The following CCDC97 variants were observed in gnomAD, a reference collection of about 807,000 sequenced individuals.
CCDC97 encodes coiled-coil domain containing 97.
A neutral mutation model predicts 33.9 loss-of-function variants in CCDC97; 27 were observed. That is an observed-to-expected ratio of 0.80 (90% CI 0.59 to 1.10). The LOEUF (loss-of-function observed/expected upper bound fraction) is 1.10. CCDC97 is among the 50% of genes least tolerant of loss of function. CCDC97 has a pLI of 0.00. For synonymous variants in CCDC97, 217 were observed against 194.0 expected, an observed-to-expected ratio of 1.12 and a Z score of -0.99; for missense variants, 422 against 476.6, an observed-to-expected ratio of 0.89 and a Z score of 1.07.
intron 1 of CCDC97, chr19:41,310,578 T>C: frequency 2.0e-6 from 2 of 985,328 alleles, no homozygotes; most frequent in South Asian, 9.4e-5. Flanking sequence ...TCTTCCCAGT[T>C]CCAGACCAAT....
At chr19:41,315,296 C>CAAAAAAAAA (rs71177714) in intron 1 of CCDC97, among the ~76,000 whole-genome samples, 1 of 41,728 alleles carries the variant, frequency 2.4e-5, no homozygotes, top group Non-Finnish European at 4.4e-5. Context: ...GACTCCGTCT[C>CAAAAAAAAA]AAAAAAAAAA....
At chr19:41,313,214 A>G (rs2037707214) in intron 1 of CCDC97, among the ~76,000 whole-genome samples, 2 of 147,962 alleles carry the variant, frequency 1.4e-5, no homozygotes, top group Non-Finnish European at 3.0e-5. Flanking sequence ...TCCCTCTCCC[A>G]CTCCCCTGTG....
Position 41,319,705 on chromosome 19 carries a change from T to G in CCDC97, c.634T>G (p.Ser212Ala). Residue 212 changes from serine to alanine, a missense_variant, in exon 3 of 5, where the codon TCC becomes GCC. Coordinates refer to ENST00000269967, the MANE Select transcript of CCDC97 (RefSeq NM_052848.3). ...AACCCACCAGCCCCCCAAGCCCGGG[T>G]CCCCCGGGAGACCTGCTTGCCCGCT... is the stretch of plus-strand genomic sequence containing the variant. ...TPTHQPPKPG[S>A]PGRPACPLSN... The G allele has an allele frequency of 6.2e-7, 1 of 1,613,092 alleles. No homozygotes were observed. Among genetic ancestry groups the G allele is most frequent in the Non-Finnish European group, 8.5e-7 (1 of 1,179,628 alleles).
chr19:41,316,835 C>T lies in CCDC97; in HGVS notation c.498C>T (p.Ile166=). The T allele has an allele frequency of 6.3e-7, 1 of 1,581,614 alleles. No homozygotes were observed. Residue 166 remains isoleucine, a synonymous_variant, in exon 2 of 5, where the codon ATC becomes ATT. Coordinates refer to ENST00000269967, the MANE Select transcript of CCDC97 (RefSeq NM_052848.3). ...GCTATGCTGCCCTGCGAGAGCTGAT[C>T]CAAGGTGTGGGGGCCAGATGGGCGA... ...NRRYAALREL[I]QGGEYFSDEQ...
Position 41,322,849 on chromosome 19 carries a change from C to T in CCDC97, c.*134C>T. Reference sequence around the variant, plus strand: ...ACAACCCACACACACCACCATCTCACTGGGTCTAGTCTCATCTCAGACAAC... The same window carrying T: ...ACAACCCACACACACCACCATCTCATTGGGTCTAGTCTCATCTCAGACAAC... On this transcript the variant is annotated 3_prime_UTR_variant, in exon 5 of 5. Coordinates refer to ENST00000269967, the MANE Select transcript of CCDC97 (RefSeq NM_052848.3). 9.6e-7 allele frequency: 1 copy of T among 1,036,510 alleles called. No homozygotes were observed. The highest frequency in any genetic ancestry group is 1.4e-6 in the Non-Finnish European group (1 of 722,558). 64.2% of individuals were successfully genotyped at this position (1,036,510 alleles called of 1,614,324 possible).
chr19:41,310,959 C>G (rs756869080), intron 1 of CCDC97: 4 of 735,366 alleles, frequency 5.4e-6, no homozygotes, highest in Non-Finnish European at 6.6e-6. Context: ...GGCTCCAACA[C>G]CACTGGCCAA....
chr19:41,317,681 A>G (rs2037765008), intron 2 of CCDC97, among the ~76,000 whole-genome samples: 1 of 150,332 alleles, frequency 6.7e-6, no homozygotes. Flanking sequence ...ACTAAGCTCT[A>G]GCCTGGGCGA....
intron 2 of CCDC97, among the ~76,000 whole-genome samples, chr19:41,317,390 C>T (rs760299198): frequency 5.9e-5 from 9 of 152,006 alleles, no homozygotes; most frequent in Non-Finnish European, 8.8e-5. Context: ...GTTAAGTTGC[C>T]GTTAGGGAGA....
rs1327138947 is a variant in CCDC97, at chr19:41,316,811, C to A, written c.474C>A (p.Arg158=). The A allele has an allele frequency of 6.3e-7, 1 of 1,592,866 alleles. No individual in the cohort carries two copies. Residue 158 remains arginine, a synonymous_variant, in exon 2 of 5, where the codon CGC becomes CGA. Coordinates refer to ENST00000269967, the MANE Select transcript of CCDC97 (RefSeq NM_052848.3). Reference sequence around the variant, plus strand: ...TGCGTACCCGCCTGCGTAACCGGCGCTATGCTGCCCTGCGAGAGCTGATCC... The same window carrying A: ...TGCGTACCCGCCTGCGTAACCGGCGATATGCTGCCCTGCGAGAGCTGATCC... The part of the protein sequence containing the change: ...RTLRTRLRNR[R]YAALRELIQG...
At chr19:41,321,434 C>G (rs1325405974) in intron 4 of CCDC97, among the ~76,000 whole-genome samples, 1 of 152,230 alleles carries the variant, frequency 6.6e-6, no homozygotes, top group Non-Finnish European at 1.5e-5. Context: ...GGGAGGGCAG[C>G]AGTGGCCCCG....
At chr19:41,320,512 C>T (rs2037811982) in intron 4 of CCDC97, 42 bp downstream of exon 4, 9 of 1,612,528 alleles carry the variant, frequency 5.6e-6, no homozygotes, top group Non-Finnish European at 7.6e-6. Flanking sequence ...AGCCCAGCAT[C>T]CCACGGCCTT....
rs916593940 is a variant in CCDC97, at chr19:41,324,249, C to T, written c.*1534C>T. The T allele has an allele frequency of 7.9e-5, 12 of 152,334 alleles. No homozygotes were observed. Among genetic ancestry groups the T allele is most frequent in the African/African-American group, 1.9e-4 (8 of 41,562 alleles). The allele number at this position is 152,334 out of a possible 1,614,324, so 9.4% of individuals were successfully genotyped here. A position where few individuals can be genotyped will look rare whatever the true frequency, so the allele number is the denominator to read the frequency against. On this transcript the variant is annotated 3_prime_UTR_variant, in exon 5 of 5. Coordinates refer to ENST00000269967, the MANE Select transcript of CCDC97 (RefSeq NM_052848.3). ...CAGGCCCGAGCGAAGTGCCTGACAC[C>T]GGGTTGGATCCTCAGATGGCCCCAT...
intron 2 of CCDC97, 28 bp from the exon 3 acceptor site, chr19:41,319,546 A>T (rs772639232): frequency 1.3e-6 from 2 of 1,532,584 alleles, no homozygotes; most frequent in Non-Finnish European, 1.8e-6. Context: ...CGCTCACCCC[A>T]TGCCCACCCT....
At chr19:41,320,142 A>G (rs1460059867) in intron 3 of CCDC97, among the ~76,000 whole-genome samples, 199 bp from the exon 4 acceptor site, 1 of 152,092 alleles carries the variant, frequency 6.6e-6, no homozygotes, top group African/African-American at 2.4e-5. Flanking sequence ...CCGAGGATAC[A>G]GTCTCCAGAG....
chr19:41,317,855 C>T (rs994712864), intron 2 of CCDC97, among the ~76,000 whole-genome samples: 19 of 151,386 alleles, frequency 1.3e-4, no homozygotes, highest in African/African-American at 4.6e-4. Flanking sequence ...TCCAGAGCAG[C>T]CTGGCCAACA....
At chr19:41,318,595 C>G (rs1410461749) in intron 2 of CCDC97, among the ~76,000 whole-genome samples, 1 of 152,174 alleles carries the variant, frequency 6.6e-6, no homozygotes, top group Admixed American at 6.5e-5. Context: ...TTTCTTTGCC[C>G]TGGACTCTGA....
At position 41,319,805 on chromosome 19, in the gene CCDC97, A is replaced by C; in HGVS notation, c.734A>C (p.Glu245Ala). Residue 245 changes from glutamate (E) to alanine (A), a missense_variant, in exon 3 of 5, where the codon GAG (glutamate) becomes GCG (alanine). Coordinates refer to ENST00000269967, the MANE Select transcript of CCDC97 (RefSeq NM_052848.3). ...QRLLQQQEEEEACLEEEEEEE... is the reference protein window; with the variant it reads ...QRLLQQQEEEAACLEEEEEEE... ...CTGCTCCAACAGCAGGAGGAGGAGG[A>C]GGCCTGCTTGGAGGAAGAGGAAGAG... 1.9e-6 allele frequency: 3 copies of C among 1,600,740 alleles called. No individual in the cohort carries two copies. Among genetic ancestry groups the C allele is most frequent in the South Asian group, 1.1e-5 (1 of 90,724 alleles).
In CCDC97 at chr19:41,318,832, G is replaced by A. The variant is rs1022294830; in HGVS notation, c.503-742G>A. ...CCAGGAGGCTTTCCCAGGGATACACGGGCAGATGCCCCACCTGACCTGATC... is the reference window on the plus strand; with the variant it reads ...CCAGGAGGCTTTCCCAGGGATACACAGGCAGATGCCCCACCTGACCTGATC... On this transcript the variant is annotated intron_variant, in intron 2 of 4. Transcript: ENST00000269967. 5.9e-5 allele frequency among the ~76,000 whole-genome samples: 9 copies of A among 152,236 alleles called. No individual in the cohort carries two copies. The Middle Eastern group carries it at 0.014, about 230-fold the overall frequency.
chr19:41,319,114 A>T (rs1297927647), intron 2 of CCDC97, among the ~76,000 whole-genome samples: 7 of 152,186 alleles, frequency 4.6e-5, no homozygotes, highest in African/African-American at 1.7e-4. Flanking sequence ...TCGTGCCTGG[A>T]CACAGTTGTA....
Sources: gnomAD v4.1 joint callset for allele counts (sites outside exome capture counted in the v4.1 genomes callset) on GRCh38, gnomAD v4.1.1 for gene constraint, MANE v1.5 for transcripts, NCBI Gene and HGNC (gene_info 2026-07-23, HGNC 2026-07-21) for gene names.